The following CDK12 variants were observed in gnomAD, a reference collection of about 807,000 sequenced individuals.
CDK12 encodes the protein cyclin dependent kinase 12, also known as cyclin-dependent kinase 12.
A neutral mutation model predicts 133.8 loss-of-function variants in CDK12; 17 were observed. That is an observed-to-expected ratio of 0.13 (90% CI 0.09 to 0.19). CDK12 has a LOEUF of 0.19. Among genes scored for constraint, CDK12 ranks in the 10% least tolerant of loss-of-function variants. CDK12 has a pLI of 1.00. For synonymous variants in CDK12, 694 were observed against 683.6 expected, an observed-to-expected ratio of 1.02 and a Z score of -0.24; for missense variants, 1,508 against 1,818.7, an observed-to-expected ratio of 0.83 and a Z score of 3.11.
intron 1 of CDK12, among the ~76,000 whole-genome samples, chr17:39,465,529 CA>C (rs2049243617): frequency 6.6e-6 from 1 of 151,592 alleles, no homozygotes; most frequent in Non-Finnish European, 1.5e-5. Context: ...TTTTGTTGCC[CA>C]GGCTGGAGTG....
Position 39,530,098 on chromosome 17 carries a change from T to C in CDK12, c.3761-506T>C, listed in dbSNP as rs1312942847. On this transcript the variant is annotated intron_variant, in intron 13 of 13. Transcript: ENST00000447079. ...ACTTTATTTTATCTCTCCTATATATTCTTTAAGTTTTATTTCAGGTTAACC... is the reference window on the plus strand; with the variant it reads ...ACTTTATTTTATCTCTCCTATATATCCTTTAAGTTTTATTTCAGGTTAACC... 4 of 153,624 alleles carry C rather than the reference T, an allele frequency of 2.6e-5. No homozygotes were observed. The East Asian group carries it at 7.7e-4, about 29-fold the overall frequency. The allele number at this position is 153,624 out of a possible 1,614,324, so 9.5% of individuals were successfully genotyped here.
At chr17:39,535,314 G>A (rs1027854099), downstream of CDK12, among the ~76,000 whole-genome samples, 1 of 152,164 alleles carries the variant, frequency 6.6e-6, no homozygotes, top group African/African-American at 2.4e-5. Context: ...GGAAGGTTAA[G>A]GGATACACCA....
downstream of CDK12, among the ~76,000 whole-genome samples, chr17:39,536,437 AT>A (rs2055138267): frequency 1.3e-5 from 2 of 152,136 alleles, no homozygotes; most frequent in African/African-American, 4.8e-5. Context: ...GGAGCTTTTC[AT>A]TTGTGTTATG....
intron 1 of CDK12, among the ~76,000 whole-genome samples, chr17:39,469,476 C>T (rs1355938421): frequency 6.6e-6 from 1 of 152,090 alleles, no homozygotes; most frequent in African/African-American, 2.4e-5. Context: ...TTATTTTAAA[C>T]TTTACAACTT....
chr17:39,541,362 CTTT>C (rs201866427), intron 1 of CDK12, among the ~76,000 whole-genome samples: 9,354 of 133,968 alleles, frequency 0.07, 144 homozygotes, highest in African/African-American at 0.11. Flanking sequence ...GAGTTTGGCT[CTTT>C]TTTTTTTTTT....
At chr17:39,493,691 A>T (rs574095125) in intron 4 of CDK12, among the ~76,000 whole-genome samples, 1 of 152,152 alleles carries the variant, frequency 6.6e-6, no homozygotes, top group South Asian at 2.1e-4. Flanking sequence ...AAAGAATACT[A>T]TAATTATAAC....
At chr17:39,504,436 G>C (rs945404110) in intron 6 of CDK12, among the ~76,000 whole-genome samples, 13 of 152,136 alleles carry the variant, frequency 8.5e-5, no homozygotes, top group Non-Finnish European at 1.5e-4. Flanking sequence ...GATGATGCAG[G>C]CAAATTATAA....
downstream of CDK12, chr17:39,535,229 A>G (rs902263135): frequency 9.2e-5 from 14 of 152,224 alleles, no homozygotes; most frequent in African/African-American, 2.7e-4. Context: ...GGCAGAGGGC[A>G]GATAAAGTCC....
chr17:39,464,225 T>C (rs907202824), intron 1 of CDK12, among the ~76,000 whole-genome samples: 2 of 147,596 alleles, frequency 1.4e-5, no homozygotes, highest in African/African-American at 4.9e-5. Context: ...ATGCATGACT[T>C]TTTTTTTTTT....
intron 2 of CDK12, among the ~76,000 whole-genome samples, chr17:39,485,251 A>G: frequency 6.6e-6 from 1 of 151,720 alleles, no homozygotes; most frequent in Non-Finnish European, 1.5e-5. Flanking sequence ...TTAGTACTTT[A>G]TTTGAGCTCA....
chr17:39,561,136 A>C (rs1057320990), intron 3 of CDK12, among the ~76,000 whole-genome samples: 3 of 152,132 alleles, frequency 2.0e-5, no homozygotes, highest in Non-Finnish European at 1.5e-5. Flanking sequence ...CTATCCAGAC[A>C]CCTGAGACCT....
chr17:39,500,393 G>A (rs1361174110), intron 5 of CDK12, among the ~76,000 whole-genome samples: 2 of 152,084 alleles, frequency 1.3e-5, no homozygotes, highest in East Asian at 1.9e-4. Context: ...AACACTTTGG[G>A]AAGCTAAGGC....
At chr17:39,524,997 A>G (rs2146694307) in intron 12 of CDK12, 112 bp downstream of exon 12, 1 of 816,344 alleles carries the variant, frequency 1.2e-6, no homozygotes, top group East Asian at 2.7e-5. Flanking sequence ...TGGTCCAGTG[A>G]ACCATTAGGA....
intron 2 of CDK12, among the ~76,000 whole-genome samples, chr17:39,489,527 C>T (rs1387720361): frequency 3.9e-5 from 5 of 128,742 alleles, no homozygotes; most frequent in Non-Finnish European, 8.0e-5. Context: ...TTTTTTGAGA[C>T]GGAGTTTCAT....
intron 2 of CDK12, among the ~76,000 whole-genome samples, chr17:39,488,621 T>C (rs1236203584): frequency 1.3e-5 from 2 of 152,190 alleles, no homozygotes; most frequent in South Asian, 2.1e-4. Context: ...GATAGAGTAG[T>C]ATTAAATTGT....
At chr17:39,522,051 T>C (rs1410207033) in intron 11 of CDK12, among the ~76,000 whole-genome samples, 1 of 152,158 alleles carries the variant, frequency 6.6e-6, no homozygotes, top group Non-Finnish European at 1.5e-5. Context: ...CATGCATGTC[T>C]CTGGTGACCA....
At position 39,531,218 on chromosome 17, in the gene CDK12, T is replaced by G. The variant is rs1402813469; in HGVS notation, c.4375T>G (p.Trp1459Gly). The G allele has an allele frequency of 6.6e-6, 10 of 1,515,840 alleles. No individual in the cohort carries two copies. The highest frequency in any genetic ancestry group is 7.9e-6 in the Non-Finnish European group (9 of 1,134,052). 93.9% of individuals were successfully genotyped at this position (1,515,840 alleles called of 1,614,324 possible). A position where few individuals can be genotyped will look rare whatever the true frequency, so the allele number is the denominator to read the frequency against. The change falls in exon 14 of 14, where the codon TGG (tryptophan) becomes GGG (glycine). Residue 1459 changes from tryptophan to glycine, a missense_variant. Around this residue, in one of 9 missense-constraint regions of CDK12, gnomAD observed 114 missense variants for 101.2 expected, o/e 1.13. Transcript: ENST00000447079. Reference sequence around the variant, plus strand: ...CAGCAGCTCAGGAGCAGGCCTTCACTGGGGGGGCCCAACTCAGTCTTCTGC... The same window carrying G: ...CAGCAGCTCAGGAGCAGGCCTTCACGGGGGGGGCCCAACTCAGTCTTCTGC... ...GASSSGAGLH[W>G]GGPTQSSAYG...
chr17:39,510,918 T>C (rs2053461591), intron 7 of CDK12, among the ~76,000 whole-genome samples: 1 of 137,588 alleles, frequency 7.3e-6, no homozygotes, highest in South Asian at 2.5e-4. Context: ...TGGCCTTTTT[T>C]CTTTTTTTTT....
rs2144875714 is a variant in CDK12 at position 39,462,477 on chromosome 17, G to A, written c.406G>A (p.Val136Ile). The A allele has an allele frequency of 6.2e-7, 1 of 1,614,064 alleles. No homozygotes were observed. The highest frequency in any genetic ancestry group is 8.5e-7 in the Non-Finnish European group (1 of 1,180,024). Reference protein sequence around the residue: ...KQTEKEKSQEVSSKSGSMKDR... With the variant: ...KQTEKEKSQEISSKSGSMKDR... Reference sequence around the variant, plus strand: ...GACCGAAAAAGAAAAAAGCCAAGAAGTCTCCAGCAAGTCGGGATCGATGAA... The same window carrying A: ...GACCGAAAAAGAAAAAAGCCAAGAAATCTCCAGCAAGTCGGGATCGATGAA... The change falls in exon 1 of 14, where the codon GTC (valine) becomes ATC (isoleucine). Residue 136 changes from valine (V) to isoleucine (I), a missense_variant. By Grantham distance (29) the Val-to-Ile change is conservative (BLOSUM62 3). Coordinates refer to ENST00000447079, the MANE Select transcript of CDK12 (RefSeq NM_016507.4).
Sources: gnomAD v4.1 joint callset for allele counts (sites outside exome capture counted in the v4.1 genomes callset) on GRCh38, gnomAD v4.1.1 for gene constraint, gnomAD v4.1.1 regional missense constraint, MANE v1.5 for transcripts, NCBI Gene and HGNC (gene_info 2026-07-23, HGNC 2026-07-21) for gene names.